ITPR1: variants seen among roughly 807,000 people sequenced by gnomAD.
ITPR1 encodes the protein inositol 1,4,5-trisphosphate receptor type 1.
Under a neutral mutation model 318.4 loss-of-function variants are expected in ITPR1, and 96 were observed. The ratio of observed to expected loss-of-function variants is 0.30; its 90% confidence interval spans 0.26 to 0.36. The LOEUF (loss-of-function observed/expected upper bound fraction) is 0.36, where lower values mean the gene tolerates loss of function less well. Ranked by LOEUF, ITPR1 falls within the 10% of genes least tolerant of loss-of-function variation. ITPR1 has a pLI of 1.00. For missense variants in ITPR1, 2,440 were observed against 3,460.2 expected (o/e 0.71, Z 7.40); for synonymous variants, 1,312 against 1,289.9 (o/e 1.02, Z -0.37).
chr3:4,795,468 T>G (rs1180424370), intron 53 of ITPR1, among the ~76,000 whole-genome samples: 3 of 152,230 alleles, frequency 2.0e-5, no homozygotes, highest in Non-Finnish European at 4.4e-5. Context: ...TTCTTTTATA[T>G]ATGAGGAAAC....
intron 35 of ITPR1, among the ~76,000 whole-genome samples, chr3:4,701,080 C>G (rs138911099): frequency 4.6e-4 from 70 of 152,266 alleles, no homozygotes; most frequent in African/African-American, 1.6e-3. Flanking sequence ...ACCAGATTGC[C>G]TGTTGCGTTT....
At chr3:4,740,673 C>T (rs557099564) in intron 44 of ITPR1, among the ~76,000 whole-genome samples, 20 of 152,248 alleles carry the variant, frequency 1.3e-4, no homozygotes, top group African/African-American at 2.9e-4. Context: ...CTTCCTGCCC[C>T]GGCTCCTGCA....
rs76198650 is a variant in ITPR1 at position 4,771,499 on chromosome 3, A to G, written c.5979+2735A>G. On this transcript the variant is annotated intron_variant, in intron 46 of 61. Coordinates refer to ENST00000649015, the MANE Select transcript of ITPR1 (RefSeq NM_001378452.1). The stretch of plus-strand genomic sequence containing the variant: ...CTCGCCCACACACCCACTTCCTTCC[A>G]CTGTGAAAGCGGAGTAAGGCTTTAA... Among the ~76,000 whole-genome samples, 4 of 151,856 alleles carry G rather than the reference A, an allele frequency of 2.6e-5. No homozygotes were observed. The East Asian group carries it at 7.7e-4, about 29-fold the overall frequency.
intron 53 of ITPR1, among the ~76,000 whole-genome samples, chr3:4,797,417 C>T (rs2047969737): frequency 6.6e-6 from 1 of 152,066 alleles, no homozygotes; most frequent in Admixed American, 6.6e-5. Context: ...CATAATGTCC[C>T]TCTTGAATGT....
chr3:4,718,323 T>C (rs2041916501), intron 40 of ITPR1, among the ~76,000 whole-genome samples: 1 of 152,246 alleles, frequency 6.6e-6, no homozygotes, highest in South Asian at 2.1e-4. Flanking sequence ...CTACTTCAGA[T>C]CTCTGTTTCT....
At chr3:4,653,740 C>A in intron 11 of ITPR1, 102 bp from the exon 12 acceptor site, 1 of 750,100 alleles carries the variant, frequency 1.3e-6, no homozygotes, top group Non-Finnish European at 2.3e-6. Context: ...AAGTTCTTAG[C>A]TGTTCAAGGA....
chr3:4,659,033 T>C (rs1411190221), intron 13 of ITPR1, among the ~76,000 whole-genome samples: 1 of 152,184 alleles, frequency 6.6e-6, no homozygotes, highest in African/African-American at 2.4e-5. Flanking sequence ...AAGCAACATA[T>C]CATAAGTCAG....
chr3:4,832,920 C>G (rs1370387706), intron 60 of ITPR1, among the ~76,000 whole-genome samples: 1 of 152,140 alleles, frequency 6.6e-6, no homozygotes, highest in Non-Finnish European at 1.5e-5. Context: ...GGGCCCCATT[C>G]GTGTCTTCAG....
Position 4,667,135 on chromosome 3 carries a change from G to A in ITPR1, c.1714-242G>A, listed in dbSNP as rs115673134. On this transcript the variant is annotated intron_variant, in intron 17 of 61. Coordinates refer to ENST00000649015, the MANE Select transcript of ITPR1 (RefSeq NM_001378452.1). ...ACTGTGCACTTAATAAAATATCCAC[G>A]TGTAAATACAGGCTATTTTGCTTAA... 7.7e-3 allele frequency among the ~76,000 whole-genome samples: 1,174 copies of A among 152,260 alleles called. 19 individuals carry two copies. Among genetic ancestry groups the A allele is most frequent in the African/African-American group, 0.026 (1,079 of 41,550 alleles).
At chr3:4,672,142 T>C (rs1173506369) in intron 20 of ITPR1, among the ~76,000 whole-genome samples, 1 of 152,234 alleles carries the variant, frequency 6.6e-6, no homozygotes, top group Non-Finnish European at 1.5e-5. Context: ...CATTCAAATT[T>C]TTCTGAGTAT....
At chr3:4,729,752 C>G (rs535789912) in intron 42 of ITPR1, among the ~76,000 whole-genome samples, 2 of 152,264 alleles carry the variant, frequency 1.3e-5, no homozygotes, top group African/African-American at 2.4e-5. Context: ...TTACAAATGA[C>G]TTTTTCTTTT....
chr3:4,845,173 T>A (rs1190648070), intron 61 of ITPR1, among the ~76,000 whole-genome samples: 2 of 152,244 alleles, frequency 1.3e-5, no homozygotes, highest in African/African-American at 2.4e-5. Context: ...TTATTCTTTT[T>A]ACCCTAATTC....
At chr3:4,820,411 T>C (rs1325058150) in intron 60 of ITPR1, among the ~76,000 whole-genome samples, 1 of 152,192 alleles carries the variant, frequency 6.6e-6, no homozygotes, top group Non-Finnish European at 1.5e-5. Flanking sequence ...ATCACCTTAC[T>C]TTCCGGTCAC....
chr3:4,558,356 G>C (rs2086338301), intron 4 of ITPR1, among the ~76,000 whole-genome samples: 1 of 152,172 alleles, frequency 6.6e-6, no homozygotes, highest in Non-Finnish European at 1.5e-5. Context: ...TATTTGAGAT[G>C]CATAGAAAAA....
intron 4 of ITPR1, among the ~76,000 whole-genome samples, chr3:4,553,628 C>G (rs533796134): frequency 7.4e-5 from 10 of 135,150 alleles, no homozygotes; most frequent in African/African-American, 2.7e-4. Flanking sequence ...GAGACAGAGT[C>G]TCCTTCTTGT....
In ITPR1 at chr3:4,619,620, G is replaced by C. The variant is rs9878409; in HGVS notation, c.164-8143G>C. On this transcript the variant is annotated intron_variant, in intron 4 of 61. Transcript: ENST00000649015. ...CCCCTGCTCTCCTCTGCCCTCCCCT[G>C]CTCTCCTCTGCTCTCCCCTGCTCTC... 2.6e-3 allele frequency among the ~76,000 whole-genome samples: 57 copies of C among 21,998 alleles called. 4 individuals are homozygous for C. The highest frequency in any genetic ancestry group is 0.014 in the African/African-American group (48 of 3,484). 14.4% of individuals were successfully genotyped at this position (21,998 alleles called of 152,430 possible).
intron 24 of ITPR1, among the ~76,000 whole-genome samples, chr3:4,678,104 T>TG (rs917717890): frequency 2.0e-5 from 3 of 152,156 alleles, no homozygotes; most frequent in Non-Finnish European, 4.4e-5. Flanking sequence ...GTTTAAGATC[T>TG]GGGGGTTTTA....
chr3:4,607,919 T>A (rs1041357572), intron 4 of ITPR1, among the ~76,000 whole-genome samples: 1 of 152,136 alleles, frequency 6.6e-6, no homozygotes, highest in Non-Finnish European at 1.5e-5. Context: ...TGGCTGCCAA[T>A]TGATTATGTC....
At position 4,847,185 on chromosome 3, in the gene ITPR1, T is replaced by C. The variant is rs2051845183; in HGVS notation, c.*960T>C. ...TACAGTAGCTAAGAAGTATTAAAAC[T>C]ATATACATCCATATAAAGATGAAAT... On this transcript the variant is annotated 3_prime_UTR_variant, in exon 62 of 62. Transcript: ENST00000649015. 6.6e-6 allele frequency: 1 copy of C among 152,656 alleles called. No individual in the cohort carries two copies. The highest frequency in any genetic ancestry group is 2.4e-5 in the African/African-American group (1 of 41,474). The allele number at this position is 152,656 out of a possible 1,614,324, so 9.5% of individuals were successfully genotyped here.
Sources: gnomAD v4.1 joint callset for allele counts (sites outside exome capture counted in the v4.1 genomes callset) on GRCh38, gnomAD v4.1.1 for gene constraint, MANE v1.5 for transcripts, NCBI Gene and HGNC (gene_info 2026-07-23, HGNC 2026-07-21) for gene names.